The following EML1 variants were observed in gnomAD, a reference collection of about 807,000 sequenced individuals.
EML1 encodes echinoderm microtubule-associated protein-like 1.
Under a neutral mutation model 110.4 loss-of-function variants are expected in EML1, and 27 were observed. The ratio of observed to expected loss-of-function variants is 0.24; its 90% confidence interval spans 0.18 to 0.34. The LOEUF is 0.34. Ranked by LOEUF, EML1 falls within the 10% of genes least tolerant of loss-of-function variation. The probability of loss-of-function intolerance (pLI) is 1.00; values close to 1 mark genes in which losing one functional copy is unlikely to be tolerated. For missense variants in EML1, 741 were observed against 1,030.9 expected, an observed-to-expected ratio of 0.72 and a Z score of 3.85; for synonymous variants, 344 against 385.8, an observed-to-expected ratio of 0.89 and a Z score of 1.27.
At chr14:99,755,046 A>G (rs1398687078) in intron 1 of EML1, among the ~76,000 whole-genome samples, 1 of 152,228 alleles carries the variant, frequency 6.6e-6, no homozygotes, top group Non-Finnish European at 1.5e-5. Flanking sequence ...CGGGGCAGGG[A>G]ACAACAGGCC....
At chr14:99,885,789 A>G in intron 4 of EML1, 1 of 415,592 alleles carries the variant, frequency 2.4e-6, no homozygotes, top group Non-Finnish European at 4.8e-6. Context: ...ATATTAATTA[A>G]TAACATGTTG....
intron 1 of EML1, among the ~76,000 whole-genome samples, chr14:99,754,837 C>G (rs1233778735): frequency 1.3e-5 from 2 of 152,156 alleles, no homozygotes; most frequent in African/African-American, 4.8e-5. Context: ...GCCTGTGAAG[C>G]TTGGCCTGAG....
intron 4 of EML1, among the ~76,000 whole-genome samples, chr14:99,889,066 T>A (rs1007460560): frequency 4.6e-5 from 7 of 152,080 alleles, no homozygotes; most frequent in African/African-American, 1.7e-4. Flanking sequence ...CCGAGAGACG[T>A]TCTCCACGCT....
At chr14:99,853,521 C>G (rs1037805251) in intron 2 of EML1, among the ~76,000 whole-genome samples, 1 of 152,154 alleles carries the variant, frequency 6.6e-6, no homozygotes, top group Admixed American at 6.5e-5. Flanking sequence ...AGAGCTGGCT[C>G]TCTGTGGTCA....
intron 1 of EML1, among the ~76,000 whole-genome samples, chr14:99,815,938 T>A (rs1013714953): frequency 2.6e-5 from 4 of 152,144 alleles, no homozygotes; most frequent in Non-Finnish European, 5.9e-5. Context: ...GGGGTAAGAA[T>A]GTGGAGATTC....
At chr14:99,901,633 G>A (rs1323477053) in intron 9 of EML1, among the ~76,000 whole-genome samples, 3 of 152,180 alleles carry the variant, frequency 2.0e-5, no homozygotes, top group Non-Finnish European at 2.9e-5. Context: ...GACCATATAG[G>A]GTAACTTCCT....
intron 16 of EML1, among the ~76,000 whole-genome samples, chr14:99,919,075 T>C (rs1174517362): frequency 6.6e-6 from 1 of 152,210 alleles, no homozygotes; most frequent in Non-Finnish European, 1.5e-5. Context: ...TGTGTTGCAC[T>C]GAGGATCGAA....
chr14:99,740,524 C>T (rs899761972), intron 1 of EML1, among the ~76,000 whole-genome samples: 2 of 152,304 alleles, frequency 1.3e-5, no homozygotes, highest in East Asian at 3.9e-4. Flanking sequence ...AGGAGCACAG[C>T]AGGAGGTGGC....
At chr14:99,938,005 C>G in intron 20 of EML1, 93 bp downstream of exon 20, 4 of 1,317,250 alleles carry the variant, frequency 3.0e-6, no homozygotes, top group Non-Finnish European at 4.3e-6. Context: ...GGTCACCAGT[C>G]TTGTCAGATT....
At chr14:99,892,037 T>TGG (rs532804787) in intron 5 of EML1, 107 of 581,452 alleles carry the variant, frequency 1.8e-4, no homozygotes, top group Non-Finnish European at 2.2e-4. Context: ...ATTTTAAGAC[T>TGG]GGGGGGCAGG....
intron 1 of EML1, among the ~76,000 whole-genome samples, chr14:99,831,398 G>C (rs552576115): frequency 6.6e-6 from 1 of 152,294 alleles, no homozygotes; most frequent in East Asian, 1.9e-4. Context: ...GAAAGGCATG[G>C]GTAGAGGTTC....
intron 1 of EML1, among the ~76,000 whole-genome samples, chr14:99,739,809 G>C (rs908814343): frequency 2.2e-4 from 33 of 152,154 alleles, no homozygotes; most frequent in African/African-American, 7.7e-4. Context: ...GCAGCAACCA[G>C]TGGTTGCTCC....
At chr14:99,842,951 A>T (rs912461534) in intron 1 of EML1, among the ~76,000 whole-genome samples, 3 of 152,214 alleles carry the variant, frequency 2.0e-5, no homozygotes, top group African/African-American at 7.2e-5. Flanking sequence ...CAAAAATGTC[A>T]TAGAAATGCA....
intron 3 of EML1, among the ~76,000 whole-genome samples, chr14:99,870,440 G>A (rs2034676580): frequency 6.6e-6 from 1 of 152,226 alleles, no homozygotes; most frequent in Admixed American, 6.5e-5. Context: ...AGAAGACCTA[G>A]CTAGCTAAGA....
chr14:99,896,351 C>G (rs2059670979), intron 6 of EML1, among the ~76,000 whole-genome samples: 1 of 137,484 alleles, frequency 7.3e-6, no homozygotes, highest in East Asian at 2.3e-4. Context: ...AATTTCTCCC[C>G]CAAAATACTT....
rs1393073232 is a variant in EML1, at chr14:99,941,045, A to C, written c.*933A>C. On this transcript the variant is annotated 3_prime_UTR_variant, in exon 22 of 22. Coordinates refer to ENST00000262233, the MANE Select transcript of EML1 (RefSeq NM_004434.3). ...AGTCAGAAAGATCTCTCTCGAGCGT[A>C]CCATAAACCTGCAGAGAGAAGTCTC... 6.6e-6 allele frequency: 1 copy of C among 152,186 alleles called. No homozygotes were observed. Among genetic ancestry groups the C allele is most frequent in the African/African-American group, 2.4e-5 (1 of 41,432 alleles). The allele number at this position is 152,186 out of a possible 1,614,324, so 9.4% of individuals were successfully genotyped here.
At chr14:99,901,783 G>C (rs960587695) in intron 9 of EML1, among the ~76,000 whole-genome samples, 1 of 152,110 alleles carries the variant, frequency 6.6e-6, no homozygotes, top group African/African-American at 2.4e-5. Flanking sequence ...ATATCAGCAA[G>C]GTTTTTATGA....
At chr14:99,863,593 G>A (rs1460794918) in intron 2 of EML1, among the ~76,000 whole-genome samples, 1 of 152,182 alleles carries the variant, frequency 6.6e-6, no homozygotes, top group East Asian at 1.9e-4. Context: ...TCATATAAAT[G>A]CAATCATACA....
At chr14:99,906,333 TAGAC>T (rs748279602) in intron 9 of EML1, among the ~76,000 whole-genome samples, 1 of 152,214 alleles carries the variant, frequency 6.6e-6, no homozygotes, top group Non-Finnish European at 1.5e-5. Context: ...GGCTACTCCA[TAGAC>T]AGAGCAGCCC....
Sources: gnomAD v4.1 joint callset for allele counts (sites outside exome capture counted in the v4.1 genomes callset) on GRCh38, gnomAD v4.1.1 for gene constraint, MANE v1.5 for transcripts, NCBI Gene and HGNC (gene_info 2026-07-23, HGNC 2026-07-21) for gene names.